The following ABCC4 variants were observed in gnomAD, a reference collection of about 807,000 sequenced individuals.
The protein encoded by ABCC4 is ATP binding cassette subfamily C member 4 (PEL blood group).
ABCC4 carries 102 observed loss-of-function variants against 168.5 expected under a neutral mutation model. The observed-to-expected ratio is 0.61, with a 90% CI of 0.52 to 0.71. The LOEUF is 0.71. ABCC4 is among the 30% of genes least tolerant of loss of function. The pLI, the probability that ABCC4 is intolerant of heterozygous loss-of-function variation, is 0.00. For synonymous variants in ABCC4, 617 were observed against 590.7 expected (o/e 1.04, Z -0.65); for missense variants, 1,402 against 1,605.8 (o/e 0.87, Z 2.17).
At chr13:95,218,955 AAG>A (rs2039218048) in intron 4 of ABCC4, among the ~76,000 whole-genome samples, 2 of 38,692 alleles carry the variant, frequency 5.2e-5, no homozygotes, top group Non-Finnish European at 1.2e-4. Context: ...GAAAGAAAGA[AAG>A]AAAGAAAGAA....
chr13:95,058,134 G>T (rs1311312197), intron 26 of ABCC4, among the ~76,000 whole-genome samples: 1 of 152,048 alleles, frequency 6.6e-6, no homozygotes, highest in Admixed American at 6.6e-5. Context: ...GTCACTTAAG[G>T]TTTTGGAAAA....
chr13:95,223,421 A>G (rs1213856683), intron 4 of ABCC4, among the ~76,000 whole-genome samples: 1 of 144,966 alleles, frequency 6.9e-6, no homozygotes, highest in East Asian at 2.0e-4. Flanking sequence ...TAAATGTACA[A>G]TGGGTTAGTA....
At chr13:95,173,081 C>T (rs1240370580) in intron 13 of ABCC4, among the ~76,000 whole-genome samples, 7 of 152,186 alleles carry the variant, frequency 4.6e-5, no homozygotes, top group Non-Finnish European at 7.3e-5. Flanking sequence ...CACCCTGAGT[C>T]GTGTAGGGAC....
In ABCC4 at chr13:95,182,081, C is replaced by T. The variant is rs544728091; in HGVS notation, c.1546-3990G>A. On this transcript the variant is annotated intron_variant, in intron 11 of 30. Coordinates refer to ENST00000645237, the MANE Select transcript of ABCC4 (RefSeq NM_005845.5). ...CTGGGATTACAGGTTTGAGCCACCA[C>T]GCCGGGCCCTCAGCATTTATTTCCT... is the stretch of plus-strand genomic sequence containing the variant. Among the ~76,000 whole-genome samples the T allele has an allele frequency of 1.4e-4, 21 of 152,246 alleles. No homozygotes were observed. In the East Asian group the frequency reaches 4.1e-3, roughly 29 times the overall value.
intron 20 of ABCC4, among the ~76,000 whole-genome samples, chr13:95,087,845 A>G (rs889069940): frequency 1.3e-5 from 2 of 152,144 alleles, no homozygotes; most frequent in East Asian, 3.9e-4. Context: ...GGAGATCTCT[A>G]CTTTACATCT....
At chr13:95,162,074 A>G (rs1279562445) in intron 18 of ABCC4, among the ~76,000 whole-genome samples, 1 of 152,232 alleles carries the variant, frequency 6.6e-6, no homozygotes, top group Non-Finnish European at 1.5e-5. Context: ...GGTAACTTCT[A>G]TAACAAATAT....
Position 95,062,746 on chromosome 13 carries a change from A to C in ABCC4, c.3324T>G (p.Ile1108Met), listed in dbSNP as rs1401611367. The change falls in exon 26 of 31, where the codon ATT becomes ATG. Residue 1108 changes from isoleucine to methionine, a missense_variant. This residue lies in a region of ABCC4 where 1,007 missense variants were observed against 1,127.3 expected (regional missense o/e 0.89). Transcript: ENST00000645237. Reference sequence around the variant, plus strand: ...TCTTCTTCCTTAAATCGTGAAGTCCAATTTCAGTTGTCAAGATCTTATCAA... The same window carrying C: ...TCTTCTTCCTTAAATCGTGAAGTCCCATTTCAGTTGTCAAGATCTTATCAA... The part of the protein sequence containing the change: ...IWIDKILTTE[I>M]GLHDLRKKMS... The C allele has an allele frequency of 1.2e-6, 2 of 1,614,094 alleles. No individual in the cohort carries two copies. Among genetic ancestry groups the C allele is most frequent in the Admixed American group, 3.3e-5 (2 of 60,016 alleles).
chr13:95,060,115 T>C (rs1333613769), intron 26 of ABCC4, among the ~76,000 whole-genome samples: 2 of 152,220 alleles, frequency 1.3e-5, no homozygotes, highest in Non-Finnish European at 2.9e-5. Flanking sequence ...TATGTTTCTT[T>C]TTTTCAACCA....
intron 23 of ABCC4, chr13:95,073,615 T>C (rs2033804229): frequency 9.3e-6 from 2 of 216,116 alleles, no homozygotes; most frequent in Non-Finnish European, 1.8e-5. Context: ...TCAAAGCTCA[T>C]TACATTATTC....
rs1164561962 is a variant in ABCC4, at chr13:95,187,650, AAAAT to A, written c.1354-762_1354-759del. On this transcript the variant is annotated intron_variant, in intron 10 of 30. Coordinates refer to ENST00000645237, the MANE Select transcript of ABCC4 (RefSeq NM_005845.5). The stretch of plus-strand genomic sequence containing the variant: ...ACGTGAATAAATGAATGAATAAATA[AAAAT>A]AAATAATAAATCCTGTGCACTAGGA... Among the ~76,000 whole-genome samples the A allele has an allele frequency of 3.9e-5, 6 of 152,346 alleles. No individual in the cohort carries two copies. The East Asian group carries it at 7.7e-4, about 20-fold the overall frequency.
At chr13:95,057,342 C>A (rs2033101285) in intron 26 of ABCC4, among the ~76,000 whole-genome samples, 1 of 151,978 alleles carries the variant, frequency 6.6e-6, no homozygotes, top group Non-Finnish European at 1.5e-5. Context: ...GGGGTTCAAG[C>A]AATTCTCCTG....
intron 4 of ABCC4, among the ~76,000 whole-genome samples, chr13:95,232,143 G>A (rs1252305088): frequency 1.3e-5 from 2 of 151,840 alleles, no homozygotes; most frequent in African/African-American, 2.4e-5. Flanking sequence ...GGTGGTGGTG[G>A]TGGTGGTGGT....
intron 29 of ABCC4, among the ~76,000 whole-genome samples, chr13:95,042,002 T>C (rs968765544): frequency 2.0e-5 from 3 of 152,250 alleles, no homozygotes; most frequent in Non-Finnish European, 4.4e-5. Context: ...CCTCCTGTGA[T>C]GCCACTGATG....
rs2040051036 is a variant in ABCC4 at position 95,244,643 on chromosome 13, AAGAAAGAAAGAAAGAAAG to A, written c.306+2314_306+2331del. Among the ~76,000 whole-genome samples, 9 of 87,294 alleles carry A rather than the reference AAGAAAGAAAGAAAGAAAG, an allele frequency of 1.0e-4. 2 individuals are homozygous for A. The East Asian group carries it at 1.6e-3, about 15-fold the overall frequency. The allele number at this position is 87,294 out of a possible 152,430, so 57.3% of individuals were successfully genotyped here. On this transcript the variant is annotated intron_variant, in intron 3 of 30. Coordinates refer to ENST00000645237, the MANE Select transcript of ABCC4 (RefSeq NM_005845.5). ...AAAGAAAGAAAGAAAGAAAGAAAGA[AAGAAAGAAAGAAAGAAAG>A]AAAGAAAGAAATCATAGCAGTTCCT...
chr13:95,172,799 G>A (rs914973451), intron 13 of ABCC4, among the ~76,000 whole-genome samples: 14 of 151,896 alleles, frequency 9.2e-5, no homozygotes, highest in Admixed American at 2.0e-4. Context: ...AGGAGTGGTG[G>A]TGTGCACTTG....
intron 29 of ABCC4, among the ~76,000 whole-genome samples, chr13:95,038,592 C>T (rs1445566859): frequency 6.6e-6 from 1 of 151,992 alleles, no homozygotes; most frequent in Non-Finnish European, 1.5e-5. Flanking sequence ...GTGGGAGGAC[C>T]GTGGTCATTC....
chr13:95,199,492 C>T (rs2139656775), intron 8 of ABCC4, among the ~76,000 whole-genome samples: 1 of 152,292 alleles, frequency 6.6e-6, no homozygotes, highest in South Asian at 2.1e-4. Context: ...AAATTCATCC[C>T]CAAATCTGGT....
intron 25 of ABCC4, among the ~76,000 whole-genome samples, chr13:95,063,869 G>A (rs1265844275): frequency 6.6e-6 from 1 of 152,150 alleles, no homozygotes; most frequent in Non-Finnish European, 1.5e-5. Context: ...CAAATTTCCT[G>A]GTGGGAACTT....
At chr13:95,271,777 C>T (rs1566588519) in intron 1 of ABCC4, among the ~76,000 whole-genome samples, 1 of 152,198 alleles carries the variant, frequency 6.6e-6, no homozygotes, top group South Asian at 2.1e-4. Context: ...TAGCTCTGCA[C>T]GAAACTGGAA....
Sources: allele counts gnomAD v4.1 joint callset (sites outside exome capture counted in the v4.1 genomes callset), GRCh38; gene constraint gnomAD v4.1.1; regional missense constraint gnomAD v4.1.1; transcripts MANE v1.5; gene names NCBI Gene and HGNC (gene_info 2026-07-23, HGNC 2026-07-21).